The following IL10 variants were observed in gnomAD, a reference collection of about 807,000 sequenced individuals.
The protein encoded by IL10 is interleukin-10.
A neutral mutation model predicts 21.0 loss-of-function variants in IL10; 7 were observed. That is an observed-to-expected ratio of 0.33 (90% CI 0.19 to 0.63). IL10 has a LOEUF of 0.63. Among genes scored for constraint, IL10 ranks in the 20% least tolerant of loss-of-function variants. The pLI, the probability that IL10 is intolerant of heterozygous loss-of-function variation, is 0.77. For missense variants in IL10, 161 were observed against 213.0 expected, an observed-to-expected ratio of 0.76 and a Z score of 1.52; for synonymous variants, 83 against 79.7, an observed-to-expected ratio of 1.04 and a Z score of -0.22.
In IL10 at chr1:206,769,846, T is replaced by TC; in HGVS notation, c.426dup (p.Lys143GlufsTer5). The TC allele has an allele frequency of 6.2e-7, 1 of 1,613,918 alleles. No homozygotes were observed. The highest frequency in any genetic ancestry group is 8.5e-7 in the Non-Finnish European group (1 of 1,179,830). On this transcript the variant is annotated frameshift_variant, in exon 4 of 5. Transcript: ENST00000423557. LOFTEE classifies it high-confidence loss of function. The stretch of plus-strand genomic sequence containing the variant: ...AAGCTCACCTTATTAAAGGCATTCT[T>TC]CACCTGCTCCACGGCCTTGCTCTTG...
chr1:206,772,058 G>A (rs1468074256), intron 1 of IL10, among the ~76,000 whole-genome samples: 1 of 152,190 alleles, frequency 6.6e-6, no homozygotes, highest in African/African-American at 2.4e-5. Context: ...ACTTTATAAG[G>A]CAGGTTTCCT....
chr1:206,769,816 C>T lies in IL10; in HGVS notation c.444+13G>A. 6.2e-7 allele frequency: 1 copy of T among 1,609,372 alleles called. No individual in the cohort carries two copies. The highest frequency in any genetic ancestry group is 8.5e-7 in the Non-Finnish European group (1 of 1,175,756). On this transcript the variant is annotated intron_variant, in intron 4 of 4. Transcript: ENST00000423557. Reference sequence around the variant, plus strand: ...GTGCTCTGCAGACCCTCTCTGCCACCATCCAAGCTCACCTTATTAAAGGCA... The same window carrying T: ...GTGCTCTGCAGACCCTCTCTGCCACTATCCAAGCTCACCTTATTAAAGGCA...
In IL10 at chr1:206,771,412, T is replaced by C; in HGVS notation, c.169A>G (p.Met57Val). The C allele has an allele frequency of 6.2e-7, 1 of 1,608,224 alleles. No homozygotes were observed. The highest frequency in any genetic ancestry group is 8.5e-7 in the Non-Finnish European group (1 of 1,177,166). The change falls in exon 2 of 5, where the codon ATG becomes GTG. Residue 57 changes from methionine to valine, a missense_variant. Coordinates refer to ENST00000423557, the MANE Select transcript of IL10 (RefSeq NM_000572.3). Reference sequence around the variant, plus strand: ...AACAAGTTGTCCAGCTGATCCTTCATTTGCTGCAGGAAGAACAAAAGGAGA... The same window carrying C: ...AACAAGTTGTCCAGCTGATCCTTCACTTGCTGCAGGAAGAACAAAAGGAGA... Reference protein sequence around the residue: ...AFSRVKTFFQMKDQLDNLLLK... With the variant: ...AFSRVKTFFQVKDQLDNLLLK...
At position 206,770,992 on chromosome 1, in the gene IL10, G is replaced by A; in HGVS notation, c.293C>T (p.Ala98Val). The A allele has an allele frequency of 6.2e-7, 1 of 1,614,140 alleles. No homozygotes were observed. The highest frequency in any genetic ancestry group is 8.5e-7 in the Non-Finnish European group (1 of 1,179,986). The part of the protein sequence containing the change: ...QFYLEEVMPQ[A>V]ENQDPDIKAH... ...CTTGATGTCTGGGTCTTGGTTCTCA[G>A]CTTGGGGCATCACCTCCTCCAGGTA... The change falls in exon 3 of 5, where the codon GCT becomes GTT. Residue 98 changes from alanine (A) to valine (V), a missense_variant. By Grantham distance (64) the Ala-to-Val change is moderately conservative (BLOSUM62 0). Transcript: ENST00000423557.
chr1:206,768,544 A>T lies in IL10; in HGVS notation c.*92T>A. ...AAGAGAGGTACAATAAGGTTTCTCA[A>T]GGGGCTGGGTCAGCTATCCCAGAGC... On this transcript the variant is annotated 3_prime_UTR_variant, in exon 5 of 5. Coordinates refer to ENST00000423557, the MANE Select transcript of IL10 (RefSeq NM_000572.3). 1.3e-6 allele frequency: 1 copy of T among 743,612 alleles called. No homozygotes were observed. The allele number at this position is 743,612 out of a possible 1,614,324, so 46.1% of individuals were successfully genotyped here. A position where few individuals can be genotyped will look rare whatever the true frequency, so the allele number is the denominator to read the frequency against.
intron 3 of IL10, chr1:206,770,539 G>A (rs1427853662): frequency 3.1e-6 from 1 of 322,778 alleles, no homozygotes; most frequent in Non-Finnish European, 5.9e-6. Context: ...AGAGGTGAAT[G>A]ATGTTTCCTC....
Position 206,770,888 on chromosome 1 carries a change from A to G in IL10, c.378+19T>C, listed in dbSNP as rs1554286. 0.78 allele frequency: 1,258,735 copies of G among 1,612,424 alleles called. 500,305 individuals are homozygous for G. The highest frequency in any genetic ancestry group is 0.82 in the Non-Finnish European group (970,432 of 1,178,750). On this transcript the variant is annotated intron_variant, in intron 3 of 4. Transcript: ENST00000423557. ...ATTTTGGGGGCAGCTGCAAGGGAAA[A>G]AACTGATCTGCTACTTACACAGCGC...
Position 206,768,313 on chromosome 1 carries a change from T to A in IL10, c.*323A>T, listed in dbSNP as rs1674726915. On this transcript the variant is annotated 3_prime_UTR_variant, in exon 5 of 5. Coordinates refer to ENST00000423557, the MANE Select transcript of IL10 (RefSeq NM_000572.3). ...CTGTTGGCTCCCCAAAGAACATTTT[T>A]TTTCCTCCCTTATGTAACTTATAAT... 3.1e-6 allele frequency: 1 copy of A among 323,062 alleles called. No individual in the cohort carries two copies. The highest frequency in any genetic ancestry group is 2.1e-5 in the African/African-American group (1 of 46,740). The allele number at this position is 323,062 out of a possible 1,614,324, so 20.0% of individuals were successfully genotyped here.
chr1:206,769,569 T>C (rs1674760775), intron 4 of IL10: 1 of 572,102 alleles, frequency 1.7e-6, no homozygotes, highest in African/African-American at 1.9e-5. Flanking sequence ...GTTCACAGGC[T>C]GGCCGGCCAG....
Position 206,771,818 on chromosome 1 carries a change from G to A in IL10, c.166-403C>T, listed in dbSNP as rs3790622. ...CAGTTTAGCTTGGAAAGATCCCAGG[G>A]ATTAAGAAGCTCCTTCTAATGCAGG... On this transcript the variant is annotated intron_variant, in intron 1 of 4. Transcript: ENST00000423557. 2.1e-3 allele frequency among the ~76,000 whole-genome samples: 325 copies of A among 152,288 alleles called. 9 individuals carry two copies. In the East Asian group the frequency reaches 0.059, roughly 28 times the overall value.
At chr1:206,771,255 A>G in intron 2 of IL10, 101 bp downstream of exon 2, 1 of 1,251,518 alleles carries the variant, frequency 8.0e-7, no homozygotes, top group Non-Finnish European at 1.2e-6. Flanking sequence ...TCTCCTTTTC[A>G]AAGCGAAGGA....
rs1674768029 is a variant in IL10 at position 206,769,837 on chromosome 1, A to G, written c.436T>C (p.Phe146Leu). ...SKAVEQVKNA[F>L]NKLQEKGIYK... The stretch of plus-strand genomic sequence containing the variant: ...CCACCATCCAAGCTCACCTTATTAA[A>G]GGCATTCTTCACCTGCTCCACGGCC... Residue 146 changes from phenylalanine to leucine, a missense_variant, in exon 4 of 5, where the codon TTT (phenylalanine) becomes CTT (leucine). Coordinates refer to ENST00000423557, the MANE Select transcript of IL10 (RefSeq NM_000572.3). 6.2e-7 allele frequency: 1 copy of G among 1,613,292 alleles called. No homozygotes were observed. Among genetic ancestry groups the G allele is most frequent in the Non-Finnish European group, 8.5e-7 (1 of 1,179,390 alleles).
chr1:206,771,184 G>T, intron 2 of IL10, 125 bp from the exon 3 acceptor site: 1 of 1,234,322 alleles, frequency 8.1e-7, no homozygotes, highest in Non-Finnish European at 1.2e-6. Flanking sequence ...CCTCCCCGAA[G>T]GGACTGAGCC....
rs1380009400 is a variant in IL10 at position 206,767,652 on chromosome 1, G to A, written c.*984C>T. On this transcript the variant is annotated 3_prime_UTR_variant, in exon 5 of 5. Coordinates refer to ENST00000423557, the MANE Select transcript of IL10 (RefSeq NM_000572.3). ...ATTCAAAATTAAAATCTGCTATGAA[G>A]ACAGACAAACAATGTAACATTCCCA... 1 of 152,314 alleles carries A rather than the reference G, an allele frequency of 6.6e-6. No individual in the cohort carries two copies. The highest frequency in any genetic ancestry group is 1.5e-5 in the Non-Finnish European group (1 of 68,022). The allele number at this position is 152,314 out of a possible 1,614,324, so 9.4% of individuals were successfully genotyped here. A position where few individuals can be genotyped will look rare whatever the true frequency, so the allele number is the denominator to read the frequency against.
intron 1 of IL10, among the ~76,000 whole-genome samples, chr1:206,771,936 C>T (rs1674857669): frequency 6.6e-6 from 1 of 152,188 alleles, no homozygotes. Context: ...TGCTGCAAGG[C>T]ATGGGGAGCA....
In IL10 at chr1:206,767,967, T is replaced by G. The variant is rs1674719055; in HGVS notation, c.*669A>C. The G allele has an allele frequency of 6.0e-6, 1 of 167,974 alleles. No individual in the cohort carries two copies. The highest frequency in any genetic ancestry group is 2.0e-4 in the South Asian group (1 of 4,946). 10.4% of individuals were successfully genotyped at this position (167,974 alleles called of 1,614,324 possible). On this transcript the variant is annotated 3_prime_UTR_variant, in exon 5 of 5. Transcript: ENST00000423557. ...CTGGTTAGGAACTCCTGACCTCAAG[T>G]GATCCACCCGCCTCAGCCTCCCAAA... is the stretch of plus-strand genomic sequence containing the variant.
intron 2 of IL10, 73 bp from the exon 3 acceptor site, chr1:206,771,132 T>A: frequency 6.6e-7 from 1 of 1,511,068 alleles, no homozygotes; most frequent in Non-Finnish European, 9.2e-7. Context: ...GCAACTAGCT[T>A]AAGAGGACAG....
At position 206,768,859 on chromosome 1, in the gene IL10, A is replaced by G. The variant is rs1335619398; in HGVS notation, c.445-131T>C. 15 of 702,156 alleles carry G rather than the reference A, an allele frequency of 2.1e-5. No individual in the cohort carries two copies. The East Asian group carries it at 3.8e-4, about 18-fold the overall frequency. 43.5% of individuals were successfully genotyped at this position (702,156 alleles called of 1,614,324 possible). A position where few individuals can be genotyped will look rare whatever the true frequency, so the allele number is the denominator to read the frequency against. On this transcript the variant is annotated intron_variant, in intron 4 of 4. Transcript: ENST00000423557. ...CTTGTTCTCCCTCACGCTGGGAAGTAAACCAGAGGATAGGCCTAGCTGCCT... is the reference window on the plus strand; with the variant it reads ...CTTGTTCTCCCTCACGCTGGGAAGTGAACCAGAGGATAGGCCTAGCTGCCT...
chr1:206,769,062 G>A (rs1026392571), intron 4 of IL10, among the ~76,000 whole-genome samples: 1 of 152,218 alleles, frequency 6.6e-6, no homozygotes. Context: ...CGCTTCGAAA[G>A]CAAGACGGTG....
Sources: gnomAD v4.1 joint callset for allele counts (sites outside exome capture counted in the v4.1 genomes callset) on GRCh38, gnomAD v4.1.1 for gene constraint, MANE v1.5 for transcripts, NCBI Gene and HGNC (gene_info 2026-07-23, HGNC 2026-07-21) for gene names.